Variants in MGAT4A observed in about 807,000 individuals in gnomAD.
MGAT4A encodes alpha-1,3-mannosyl-glycoprotein 4-beta-N-acetylglucosaminyltransferase A.
In MGAT4A, 33 loss-of-function variants were observed where a neutral mutation model predicts 74.1. The observed-to-expected ratio is 0.45, with a 90% CI of 0.34 to 0.60. The LOEUF is 0.60. Ranked by LOEUF, MGAT4A falls within the 20% of genes least tolerant of loss-of-function variation. MGAT4A has a pLI of 0.02. For missense variants in MGAT4A, 479 were observed against 628.3 expected, an observed-to-expected ratio of 0.76 and a Z score of 2.54; for synonymous variants, 198 against 210.4, an observed-to-expected ratio of 0.94 and a Z score of 0.51.
intron 2 of MGAT4A, among the ~76,000 whole-genome samples, chr2:98,700,659 G>A (rs1702342416): frequency 6.6e-6 from 1 of 152,148 alleles, no homozygotes; most frequent in East Asian, 1.9e-4. Flanking sequence ...GGAAGGCCAA[G>A]GGAGGTGGAT....
intron 4 of MGAT4A, chr2:98,663,508 A>G (rs1040971999): frequency 3.1e-5 from 41 of 1,327,962 alleles, no homozygotes; most frequent in Non-Finnish European, 3.7e-5. Context: ...CTTAAAAACT[A>G]ATGTCTTATC....
chr2:98,694,493 C>T (rs1163608854), intron 2 of MGAT4A: 2 of 154,118 alleles, frequency 1.3e-5, no homozygotes, highest in African/African-American at 2.4e-5. Flanking sequence ...GGGATTACTT[C>T]CAGTATCTTG....
In MGAT4A at chr2:98,623,979, C is replaced by T. The variant is rs1367597301; in HGVS notation, c.*1587G>A. The T allele has an allele frequency of 2.0e-6, 2 of 985,362 alleles. No homozygotes were observed. The highest frequency in any genetic ancestry group is 2.3e-4 in the East Asian group (2 of 8,820). 61.0% of individuals were successfully genotyped at this position (985,362 alleles called of 1,614,324 possible). On this transcript the variant is annotated 3_prime_UTR_variant, in exon 16 of 16. Coordinates refer to ENST00000393487, the MANE Select transcript of MGAT4A (RefSeq NM_012214.3). ...ACCCACTTGTGGCACCCCAGTGTGTCCAAGCAGACTGGCTGGGAACTGATG... is the reference window on the plus strand; with the variant it reads ...ACCCACTTGTGGCACCCCAGTGTGTTCAAGCAGACTGGCTGGGAACTGATG...
chr2:98,688,269 C>T (rs1179699586), intron 2 of MGAT4A, among the ~76,000 whole-genome samples: 3 of 152,070 alleles, frequency 2.0e-5, no homozygotes, highest in East Asian at 3.9e-4. Flanking sequence ...GAATATAACT[C>T]ATTCTGTCTA....
chr2:98,687,623 A>C (rs1206777043), intron 2 of MGAT4A, among the ~76,000 whole-genome samples: 3 of 152,098 alleles, frequency 2.0e-5, no homozygotes, highest in East Asian at 3.8e-4. Context: ...ATTTTCAATC[A>C]AACTACTGCT....
chr2:98,678,027 A>G (rs1399914794), intron 3 of MGAT4A, among the ~76,000 whole-genome samples: 2 of 150,846 alleles, frequency 1.3e-5, no homozygotes, highest in Non-Finnish European at 3.0e-5. Flanking sequence ...CAGGAGATCA[A>G]GACCATCCTG....
At position 98,621,509 on chromosome 2, in the gene MGAT4A, T is replaced by G. The variant is rs1460177255; in HGVS notation, c.*4057A>C. On this transcript the variant is annotated 3_prime_UTR_variant, in exon 16 of 16. Transcript: ENST00000393487. ...ACCAGCCCGAGAAAACTCTCTGCTT[T>G]TAAAGGAGTCACAAGATTTGATTAG... is the stretch of plus-strand genomic sequence containing the variant. 1 of 1,551,634 alleles carries G rather than the reference T, an allele frequency of 6.4e-7. No homozygotes were observed. Among genetic ancestry groups the G allele is most frequent in the South Asian group, 1.2e-5 (1 of 84,042 alleles).
chr2:98,675,064 G>T lies in MGAT4A; in HGVS notation c.374C>A (p.Ala125Asp). 1.2e-6 allele frequency: 2 copies of T among 1,611,454 alleles called. No homozygotes were observed. The highest frequency in any genetic ancestry group is 1.7e-6 in the Non-Finnish European group (2 of 1,179,318). Residue 125 changes from alanine (A) to aspartate (D), a missense_variant, in exon 4 of 16, where the codon GCT (alanine) becomes GAT (aspartate). By Grantham distance (126) the Ala-to-Asp change is moderately radical. Coordinates refer to ENST00000393487, the MANE Select transcript of MGAT4A (RefSeq NM_012214.3). The stretch of plus-strand genomic sequence containing the variant: ...TGTTCTTCCGTTGCCAATCTGTACA[G>T]CAGGTTGAAGACTTCCTTCATTTTT... ...LLKNEGSLQP[A>D]VQIGNGRTGV... is the part of the protein sequence containing the mutation.
Position 98,621,725 on chromosome 2 carries a change from T to C in MGAT4A, c.*3841A>G, listed in dbSNP as rs545278317. 4 of 1,259,464 alleles carry C rather than the reference T, an allele frequency of 3.2e-6. No homozygotes were observed. The highest frequency in any genetic ancestry group is 4.0e-6 in the Non-Finnish European group (4 of 1,000,518). 78.0% of individuals were successfully genotyped at this position (1,259,464 alleles called of 1,614,324 possible). ...ACTAGAATAATCTCTCCAAACGTGC[T>C]GTTTCCACATAACCAGTCTTTTCTT... On this transcript the variant is annotated 3_prime_UTR_variant, in exon 16 of 16. Coordinates refer to ENST00000393487, the MANE Select transcript of MGAT4A (RefSeq NM_012214.3).
intron 4 of MGAT4A, among the ~76,000 whole-genome samples, chr2:98,669,043 T>C (rs933224426): frequency 6.6e-6 from 1 of 152,196 alleles, no homozygotes; most frequent in African/African-American, 2.4e-5. Context: ...TCATCTCAGA[T>C]GAGACGTTGG....
intron 4 of MGAT4A, among the ~76,000 whole-genome samples, chr2:98,664,732 C>T (rs1339332655): frequency 6.6e-6 from 1 of 152,202 alleles, no homozygotes; most frequent in African/African-American, 2.4e-5. Context: ...TTGCGAAAAA[C>T]TGTGCCACTA....
In MGAT4A at chr2:98,666,246, G is replaced by C. The variant is rs1431736975; in HGVS notation, c.404-3067C>G. ...CAAGAGAAGGGGAGGAATCAAGGGT[G>C]ACTTGAGTAACTGGACGGGGGCAAC... On this transcript the variant is annotated intron_variant, in intron 4 of 15. Coordinates refer to ENST00000393487, the MANE Select transcript of MGAT4A (RefSeq NM_012214.3). Among the ~76,000 whole-genome samples the C allele has an allele frequency of 5.9e-5, 9 of 152,136 alleles. No individual in the cohort carries two copies. The East Asian group carries it at 1.5e-3, about 26-fold the overall frequency.
At chr2:98,730,536 C>T (rs952885026) in intron 1 of MGAT4A, among the ~76,000 whole-genome samples, 3 of 152,178 alleles carry the variant, frequency 2.0e-5, no homozygotes, top group African/African-American at 2.4e-5. Context: ...CTCGGACCGT[C>T]CGGCCCCGCC....
rs757995645 is a variant in MGAT4A, at chr2:98,623,310, G to C, written c.*2256C>G. On this transcript the variant is annotated 3_prime_UTR_variant, in exon 16 of 16. Coordinates refer to ENST00000393487, the MANE Select transcript of MGAT4A (RefSeq NM_012214.3). ...CAGGCAGGCTGTCTTTAAAGAAGTT[G>C]TAACAAATCACACCAGGTGCTGCAA... 2 of 985,430 alleles carry C rather than the reference G, an allele frequency of 2.0e-6. No homozygotes were observed. The highest frequency in any genetic ancestry group is 2.4e-6 in the Non-Finnish European group (2 of 829,930). The allele number at this position is 985,430 out of a possible 1,614,324, so 61.0% of individuals were successfully genotyped here.
In MGAT4A at chr2:98,663,079, C is replaced by A. The variant is rs1402823701; in HGVS notation, c.504G>T (p.Lys168Asn). 2 of 1,591,226 alleles carry A rather than the reference C, an allele frequency of 1.3e-6. No homozygotes were observed. The highest frequency in any genetic ancestry group is 1.7e-6 in the Non-Finnish European group (2 of 1,166,754). Residue 168 changes from lysine (K) to asparagine (N), a missense_variant, in exon 5 of 16, where the codon AAG (lysine) becomes AAT (asparagine). By Grantham distance (94) the Lys-to-Asn change is moderately conservative. Around this residue, in one of 3 missense-constraint regions of MGAT4A, gnomAD observed 205 missense variants for 232.7 expected, o/e 0.88. Coordinates refer to ENST00000393487, the MANE Select transcript of MGAT4A (RefSeq NM_012214.3). The part of the protein sequence containing the change: ...SLIDNLYPEE[K>N]LDCVIVVFIG... ...TGAAGACTACTATAACACAGTCCAA[C>A]TTCTCTTCAGGATACAGGTTATCAA...
chr2:98,643,910 G>A lies in MGAT4A; in HGVS notation c.1020+13C>T. ...AGTGAAACTCCCTCCACTCTGGTGA[G>A]GAATTAACTTACTGCATCTTTTTCA... is the stretch of plus-strand genomic sequence containing the variant. On this transcript the variant is annotated intron_variant, in intron 10 of 15. Coordinates refer to ENST00000393487, the MANE Select transcript of MGAT4A (RefSeq NM_012214.3). 6.6e-7 allele frequency: 1 copy of A among 1,522,374 alleles called. No individual in the cohort carries two copies. The highest frequency in any genetic ancestry group is 1.4e-5 in the African/African-American group (1 of 72,668). 94.3% of individuals were successfully genotyped at this position (1,522,374 alleles called of 1,614,324 possible). A position where few individuals can be genotyped will look rare whatever the true frequency, so the allele number is the denominator to read the frequency against.
At chr2:98,678,263 T>C in intron 3 of MGAT4A, 41 bp downstream of exon 3, 1 of 414,646 alleles carries the variant, frequency 2.4e-6, no homozygotes, top group Non-Finnish European at 3.4e-6. Flanking sequence ...TATATATATA[T>C]ATATAAAATC....
rs183044357 is a variant in MGAT4A at position 98,714,215 on chromosome 2, A to G, written c.94+12024T>C. Among the ~76,000 whole-genome samples, 588 of 152,166 alleles carry G rather than the reference A, an allele frequency of 3.9e-3. 1 individual carries two copies. Among genetic ancestry groups the G allele is most frequent in the African/African-American group, 0.013 (551 of 41,524 alleles). On this transcript the variant is annotated intron_variant, in intron 2 of 15. Coordinates refer to ENST00000393487, the MANE Select transcript of MGAT4A (RefSeq NM_012214.3). ...CTATTCCTGTGTCTCAGACTCCCAA[A>G]CAGCTGGACTACAGGCACATCCACC...
chr2:98,647,583 T>C (rs926646001), intron 8 of MGAT4A, among the ~76,000 whole-genome samples: 6 of 152,208 alleles, frequency 3.9e-5, no homozygotes, highest in Admixed American at 6.5e-5. Context: ...CCTCTCAAAG[T>C]GTTGGGATTA....
Sources: allele counts gnomAD v4.1 joint callset (sites outside exome capture counted in the v4.1 genomes callset), GRCh38; gene constraint gnomAD v4.1.1; regional missense constraint gnomAD v4.1.1; transcripts MANE v1.5; gene names NCBI Gene and HGNC (gene_info 2026-07-23, HGNC 2026-07-21).